PTPRT: variants seen among roughly 807,000 people sequenced by gnomAD.
PTPRT encodes the protein protein tyrosine phosphatase receptor type T.
PTPRT carries 56 observed loss-of-function variants against 176.8 expected under a neutral mutation model. That is an observed-to-expected ratio of 0.32 (90% CI 0.26 to 0.40). PTPRT has a LOEUF of 0.40. Ranked by LOEUF, PTPRT falls within the 10% of genes least tolerant of loss-of-function variation. PTPRT has a pLI of 1.00. For synonymous variants in PTPRT, 783 were observed against 739.0 expected (o/e 1.06, Z -0.96); for missense variants, 1,540 against 1,908.2 (o/e 0.81, Z 3.60).
intron 7 of PTPRT, among the ~76,000 whole-genome samples, chr20:42,669,765 C>T (rs930573062): frequency 6.6e-6 from 1 of 152,046 alleles, no homozygotes; most frequent in African/African-American, 2.4e-5. Context: ...GCCTGTGGGA[C>T]CCACAGGCTT....
chr20:42,098,580 A>G (rs1443720008), intron 26 of PTPRT, 28 bp from the exon 27 acceptor site: 1 of 1,613,404 alleles, frequency 6.2e-7, no homozygotes, highest in East Asian at 2.2e-5. Context: ...CAGGCTTCGT[A>G]AATTACACAT....
the PTPRT span, among the ~76,000 whole-genome samples, chr20:42,050,603 C>T: frequency 3.2e-4 from 49 of 152,298 alleles, no homozygotes; most frequent in Non-Finnish European, 6.2e-4. Flanking sequence ...GAGTGCCTGA[C>T]ACATAGCAGC....
intron 6 of PTPRT, among the ~76,000 whole-genome samples, chr20:42,697,040 T>C (rs776821979): frequency 2.0e-5 from 3 of 152,232 alleles, no homozygotes; most frequent in Non-Finnish European, 4.4e-5. Flanking sequence ...TGTAGCTTAA[T>C]ATTACCAGAC....
intron 1 of PTPRT, among the ~76,000 whole-genome samples, chr20:43,043,604 C>A (rs1210128087): frequency 1.3e-5 from 2 of 152,212 alleles, no homozygotes; most frequent in Non-Finnish European, 2.9e-5. Flanking sequence ...CCAACCCCGC[C>A]TTGAGCCTTT....
At chr20:42,610,936 C>T (rs56946934) in intron 7 of PTPRT, among the ~76,000 whole-genome samples, 59,212 of 151,808 alleles carry the variant, frequency 0.39, 13,356 homozygotes, top group African/African-American at 0.63. Context: ...ACTAGTCTTT[C>T]GTGTCTGACT....
At chr20:42,647,722 T>A (rs917099151) in intron 7 of PTPRT, among the ~76,000 whole-genome samples, 5 of 152,160 alleles carry the variant, frequency 3.3e-5, no homozygotes, top group African/African-American at 1.2e-4. Context: ...TGTGTCTGCA[T>A]CTTCAGAAAC....
intron 7 of PTPRT, among the ~76,000 whole-genome samples, chr20:42,483,114 G>A (rs557155155): frequency 1.3e-3 from 192 of 152,280 alleles, no homozygotes; most frequent in African/African-American, 4.3e-3. Flanking sequence ...GTGACATTTG[G>A]ACTGAAAGGT....
chr20:42,579,558 T>G (rs2073333019), intron 7 of PTPRT, among the ~76,000 whole-genome samples: 1 of 152,166 alleles, frequency 6.6e-6, no homozygotes, highest in South Asian at 2.1e-4. Context: ...CTCCACATCC[T>G]CTCCAGCACC....
At chr20:43,118,549 C>G (rs924186311) in intron 1 of PTPRT, among the ~76,000 whole-genome samples, 3 of 152,164 alleles carry the variant, frequency 2.0e-5, no homozygotes, top group African/African-American at 7.2e-5. Context: ...AAGTGATTCT[C>G]CTGCCTCAGC....
chr20:42,676,974 G>C (rs1302641989), intron 7 of PTPRT, among the ~76,000 whole-genome samples: 1 of 151,990 alleles, frequency 6.6e-6, no homozygotes, highest in Non-Finnish European at 1.5e-5. Flanking sequence ...ACTCTTACAT[G>C]GCATCCAGGA....
At chr20:42,812,565 G>T (rs2145624233) in intron 2 of PTPRT, among the ~76,000 whole-genome samples, 1 of 152,148 alleles carries the variant, frequency 6.6e-6, no homozygotes, top group African/African-American at 2.4e-5. Flanking sequence ...TAGGTAAAAT[G>T]GTTCAGCTGC....
chr20:42,491,987 G>A (rs558371344), intron 7 of PTPRT, among the ~76,000 whole-genome samples: 9 of 152,098 alleles, frequency 5.9e-5, no homozygotes, highest in Non-Finnish European at 8.8e-5. Context: ...TAATTCTCTT[G>A]AGGCTCATCC....
intron 7 of PTPRT, among the ~76,000 whole-genome samples, chr20:42,556,635 A>C (rs2072866110): frequency 6.6e-6 from 1 of 152,144 alleles, no homozygotes; most frequent in African/African-American, 2.4e-5. Context: ...AGTTCTCACA[A>C]CTTAGAAGAG....
At chr20:42,543,282 A>G (rs6102898) in intron 7 of PTPRT, among the ~76,000 whole-genome samples, 2,861 of 152,292 alleles carry the variant, frequency 0.019, 108 homozygotes, top group African/African-American at 0.066. Context: ...TTATCAAGTA[A>G]CTTTATATAA....
At chr20:42,482,185 A>G (rs527741854) in intron 7 of PTPRT, among the ~76,000 whole-genome samples, 1 of 152,300 alleles carries the variant, frequency 6.6e-6, no homozygotes, top group South Asian at 2.1e-4. Flanking sequence ...GGGAAGATTA[A>G]GCCAGAGATA....
At chr20:42,591,907 C>G (rs2073581519) in intron 7 of PTPRT, among the ~76,000 whole-genome samples, 1 of 151,428 alleles carries the variant, frequency 6.6e-6, no homozygotes, top group South Asian at 2.1e-4. Flanking sequence ...GAGGATATAG[C>G]ACAAACTTCG....
intron 4 of PTPRT, among the ~76,000 whole-genome samples, chr20:42,774,051 G>T (rs935737992): frequency 3.9e-5 from 6 of 151,994 alleles, no homozygotes; most frequent in African/African-American, 1.5e-4. Flanking sequence ...TTCCTTCTAG[G>T]TTCAGTGGTA....
chr20:43,017,074 C>T (rs1985407028), intron 1 of PTPRT, among the ~76,000 whole-genome samples: 1 of 151,396 alleles, frequency 6.6e-6, no homozygotes, highest in African/African-American at 2.4e-5. Flanking sequence ...AAAATTAATG[C>T]AAAAAAAATC....
At chr20:43,089,009 A>G (rs1194611696) in intron 1 of PTPRT, among the ~76,000 whole-genome samples, 1 of 152,112 alleles carries the variant, frequency 6.6e-6, no homozygotes, top group African/African-American at 2.4e-5. Flanking sequence ...AGAGTTATTA[A>G]TCCCTCCCTG....
Sources: allele counts gnomAD v4.1 joint callset (sites outside exome capture counted in the v4.1 genomes callset), GRCh38; gene constraint gnomAD v4.1.1; transcripts MANE v1.5; gene names NCBI Gene and HGNC (gene_info 2026-07-23, HGNC 2026-07-21).